The following PTPRD variants were observed in gnomAD, a reference collection of about 807,000 sequenced individuals.
PTPRD encodes receptor-type tyrosine-protein phosphatase delta.
A neutral mutation model predicts 214.5 loss-of-function variants in PTPRD; 34 were observed. The ratio of observed to expected loss-of-function variants is 0.16; its 90% CI spans 0.12 to 0.21. PTPRD has a LOEUF of 0.21. PTPRD is among the 10% of genes least tolerant of loss of function. The probability of loss-of-function intolerance (pLI) is 1.00; values close to 1 mark genes in which losing one functional copy is unlikely to be tolerated. For synonymous variants in PTPRD, 1,128 were observed against 845.7 expected (o/e 1.33, Z -5.79); for missense variants, 2,545 against 2,398.7 (o/e 1.06, Z -1.27).
At chr9:10,570,383 G>T (rs1053142774) in intron 2 of PTPRD, among the ~76,000 whole-genome samples, 1 of 152,248 alleles carries the variant, frequency 6.6e-6, no homozygotes, top group Admixed American at 6.5e-5. Flanking sequence ...TGCCAAACAA[G>T]ATTAGACATA....
chr9:8,572,695 CA>C, intron 14 of PTPRD, among the ~76,000 whole-genome samples: 1 of 151,898 alleles, frequency 6.6e-6, no homozygotes, highest in Non-Finnish European at 1.5e-5. Flanking sequence ...TAGATTATAT[CA>C]AAACCTAGCA....
chr9:8,731,874 A>G (rs572817419), intron 12 of PTPRD, among the ~76,000 whole-genome samples: 3 of 152,372 alleles, frequency 2.0e-5, no homozygotes, highest in African/African-American at 7.2e-5. Flanking sequence ...AAGCTAATCA[A>G]AATTGATTTG....
At chr9:10,421,517 C>A (rs2098545632) in intron 2 of PTPRD, among the ~76,000 whole-genome samples, 2 of 151,796 alleles carry the variant, frequency 1.3e-5, no homozygotes, top group African/African-American at 4.8e-5. Flanking sequence ...TCCATTTTTA[C>A]TGAGCCAGTT....
chr9:8,392,520 C>T (rs2089944737), intron 36 of PTPRD, among the ~76,000 whole-genome samples: 1 of 152,078 alleles, frequency 6.6e-6, no homozygotes, highest in Non-Finnish European at 1.5e-5. Context: ...GAGCAAGACT[C>T]TGTCTCAATA....
At chr9:9,721,453 G>T (rs891353610) in intron 7 of PTPRD, among the ~76,000 whole-genome samples, 40 of 152,088 alleles carry the variant, frequency 2.6e-4, no homozygotes, top group African/African-American at 9.7e-4. Flanking sequence ...CCTGAAGTAT[G>T]TGCCTCTATT....
intron 27 of PTPRD, among the ~76,000 whole-genome samples, chr9:8,492,339 G>C (rs950371449): frequency 6.6e-6 from 1 of 151,972 alleles, no homozygotes; most frequent in Non-Finnish European, 1.5e-5. Context: ...GATCTTCATG[G>C]GACTTGATCC....
chr9:10,149,015 TGCAGCTGGCTCAGAAAA>T (rs2099042903), intron 3 of PTPRD, among the ~76,000 whole-genome samples: 1 of 152,168 alleles, frequency 6.6e-6, no homozygotes, highest in Non-Finnish European at 1.5e-5. Flanking sequence ...GTGTGCTTCC[TGCAGCTGGCTCAGAAAA>T]GCAGTTCATT....
intron 3 of PTPRD, among the ~76,000 whole-genome samples, chr9:10,106,282 A>T (rs1475920005): frequency 2.0e-5 from 3 of 151,910 alleles, no homozygotes; most frequent in African/African-American, 4.8e-5. Flanking sequence ...TTTGATGTCA[A>T]AGATAATCCA....
intron 5 of PTPRD, among the ~76,000 whole-genome samples, chr9:9,873,270 C>G (rs1448886939): frequency 1.3e-5 from 2 of 152,106 alleles, no homozygotes; most frequent in African/African-American, 4.8e-5. Flanking sequence ...TTCTTTTGAG[C>G]TCTCTGCTTT....
intron 34 of PTPRD, among the ~76,000 whole-genome samples, chr9:8,449,105 G>T (rs961406389): frequency 6.6e-6 from 1 of 152,142 alleles, no homozygotes; most frequent in African/African-American, 2.4e-5. Flanking sequence ...TTCCTCTGTT[G>T]AAGCACTTAA....
intron 3 of PTPRD, among the ~76,000 whole-genome samples, chr9:10,049,224 C>G (rs898335845): frequency 2.6e-5 from 4 of 152,052 alleles, no homozygotes; most frequent in African/African-American, 9.7e-5. Context: ...TCCCTGCAAT[C>G]ATCTAGCGCA....
chr9:10,231,304 G>C (rs1264579535), intron 3 of PTPRD, among the ~76,000 whole-genome samples: 1 of 151,572 alleles, frequency 6.6e-6, no homozygotes, highest in Non-Finnish European at 1.5e-5. Context: ...ATAGAGAGAG[G>C]CTGTGAGGGG....
intron 11 of PTPRD, among the ~76,000 whole-genome samples, chr9:8,809,541 C>A (rs1186493674): frequency 6.6e-6 from 1 of 152,186 alleles, no homozygotes; most frequent in African/African-American, 2.4e-5. Context: ...AGCTCAACCA[C>A]TGACTATTTT....
At chr9:9,002,124 CAT>C (rs2099424489) in intron 11 of PTPRD, among the ~76,000 whole-genome samples, 1 of 151,898 alleles carries the variant, frequency 6.6e-6, no homozygotes, top group Non-Finnish European at 1.5e-5. Context: ...GAATTTTTAA[CAT>C]AGCCTGATTC....
rs538652469 is a variant in PTPRD at position 9,900,823 on chromosome 9, G to A, written c.-368+37684C>T. ...AGCTAACTTTGGTATTTTTAGTAAA[G>A]ATGAGGTTTCACCATGTTGGCTAGG... On this transcript the variant is annotated intron_variant, in intron 5 of 45. Coordinates refer to ENST00000381196, the MANE Select transcript of PTPRD (RefSeq NM_002839.4). Among the ~76,000 whole-genome samples the A allele has an allele frequency of 2.9e-4, 44 of 152,046 alleles. 1 individual carries two copies. The highest frequency in any genetic ancestry group is 9.2e-4 in the Admixed American group (14 of 15,276).
intron 10 of PTPRD, among the ~76,000 whole-genome samples, chr9:9,082,361 T>G (rs1163823593): frequency 6.6e-6 from 1 of 152,110 alleles, no homozygotes; most frequent in African/African-American, 2.4e-5. Context: ...AAATCACGTT[T>G]GTCTCAACAG....
intron 10 of PTPRD, among the ~76,000 whole-genome samples, chr9:9,088,061 T>C (rs1408164313): frequency 2.6e-5 from 4 of 151,350 alleles, no homozygotes; most frequent in African/African-American, 9.7e-5. Flanking sequence ...TTTGTATTTT[T>C]AGTAGACACG....
intron 39 of PTPRD, among the ~76,000 whole-genome samples, chr9:8,355,442 C>A (rs35972185): frequency 0.59 from 89,495 of 151,514 alleles, 27,884 homozygotes; most frequent in Non-Finnish European, 0.71. Flanking sequence ...CCTTTTAGTT[C>A]GAGTGGTATG....
intron 8 of PTPRD, among the ~76,000 whole-genome samples, chr9:9,500,698 A>G (rs1589989890): frequency 6.6e-6 from 1 of 152,262 alleles, no homozygotes; most frequent in East Asian, 1.9e-4. Context: ...GAAGAAATAA[A>G]GAAGACTGGA....
Sources: allele counts gnomAD v4.1 joint callset (sites outside exome capture counted in the v4.1 genomes callset), GRCh38; gene constraint gnomAD v4.1.1; transcripts MANE v1.5; gene names NCBI Gene and HGNC (gene_info 2026-07-23, HGNC 2026-07-21).